SLC39A10: variants seen among roughly 807,000 people sequenced by gnomAD.
SLC39A10 encodes the protein zinc transporter ZIP10.
In SLC39A10, 13 loss-of-function variants were observed where a neutral mutation model predicts 65.1. That is an observed-to-expected ratio of 0.20 (90% CI 0.13 to 0.32). The LOEUF is 0.32. Ranked by LOEUF, SLC39A10 falls within the 10% of genes least tolerant of loss-of-function variation. The pLI is 1.00. For synonymous variants in SLC39A10, 321 were observed against 342.2 expected (o/e 0.94, Z 0.68); for missense variants, 831 against 1,018.4 (o/e 0.82, Z 2.50).
At chr2:195,674,265 G>A (rs1689991809) in intron 1 of SLC39A10, among the ~76,000 whole-genome samples, 1 of 151,896 alleles carries the variant, frequency 6.6e-6, no homozygotes, top group Non-Finnish European at 1.5e-5. Flanking sequence ...TTACACAGCT[G>A]ACCACTTTTC....
upstream of SLC39A10, among the ~76,000 whole-genome samples, chr2:195,652,674 C>T (rs1278423339): frequency 2.2e-4 from 5 of 23,130 alleles, no homozygotes; most frequent in Non-Finnish European, 6.1e-4. Flanking sequence ...TGTTTCTTAC[C>T]AGACTTTAAA....
At chr2:195,729,724 G>GA (rs1417867226) in intron 9 of SLC39A10, among the ~76,000 whole-genome samples, 1 of 152,008 alleles carries the variant, frequency 6.6e-6, no homozygotes, top group Non-Finnish European at 1.5e-5. Context: ...AGAGGTGGGG[G>GA]ACCTCTCTTA....
At chr2:195,714,895 G>T (rs1166808365) in intron 6 of SLC39A10, among the ~76,000 whole-genome samples, 1 of 152,008 alleles carries the variant, frequency 6.6e-6, no homozygotes, top group African/African-American at 2.4e-5. Context: ...TGGGACTACA[G>T]GCGCCCGCCA....
At chr2:195,661,624 T>C (rs901149878) in intron 1 of SLC39A10, among the ~76,000 whole-genome samples, 3 of 152,220 alleles carry the variant, frequency 2.0e-5, no homozygotes, top group African/African-American at 7.2e-5. Flanking sequence ...CAATTCATTG[T>C]ATCACATCAG....
chr2:195,663,563 A>C (rs901530961), intron 1 of SLC39A10, among the ~76,000 whole-genome samples: 1 of 152,120 alleles, frequency 6.6e-6, no homozygotes, highest in Non-Finnish European at 1.5e-5. Flanking sequence ...TATATACATT[A>C]TAAGGCAGTG....
chr2:195,637,894 A>G (rs1221820891), intron 2 of SLC39A10, among the ~76,000 whole-genome samples: 2 of 152,234 alleles, frequency 1.3e-5, no homozygotes, highest in African/African-American at 4.8e-5. Flanking sequence ...GTGAGATAAT[A>G]TGAAGTGATA....
At chr2:195,700,906 CT>C (rs1490823018) in intron 3 of SLC39A10, among the ~76,000 whole-genome samples, 1 of 151,934 alleles carries the variant, frequency 6.6e-6, no homozygotes, top group Non-Finnish European at 1.5e-5. Flanking sequence ...TTGAGTTCCT[CT>C]TATTGGAGTT....
intron 2 of SLC39A10, among the ~76,000 whole-genome samples, chr2:195,626,856 C>G (rs1011981456): frequency 4.6e-5 from 7 of 152,050 alleles, no homozygotes; most frequent in African/African-American, 1.7e-4. Flanking sequence ...ATATAGAGTT[C>G]CTCATCTGTA....
intron 2 of SLC39A10, among the ~76,000 whole-genome samples, chr2:195,631,822 A>G (rs977132343): frequency 2.0e-5 from 3 of 152,206 alleles, no homozygotes; most frequent in Admixed American, 6.5e-5. Flanking sequence ...TCTTACCATG[A>G]CTGTAACTCT....
At chr2:195,661,802 T>A (rs72913204) in intron 1 of SLC39A10, among the ~76,000 whole-genome samples, 6,893 of 152,276 alleles carry the variant, frequency 0.045, 235 homozygotes, top group Non-Finnish European at 0.068. Context: ...TGTACAAGTA[T>A]AAGGACAAAA....
intron 2 of SLC39A10, among the ~76,000 whole-genome samples, chr2:195,620,164 T>TC (rs35556605): frequency 6.6e-6 from 1 of 151,988 alleles, no homozygotes; most frequent in South Asian, 2.1e-4. Context: ...CCTCAAGTGA[T>TC]CCCCCCGCCT....
chr2:195,712,361 G>T (rs1036615451), intron 5 of SLC39A10, among the ~76,000 whole-genome samples: 10 of 152,236 alleles, frequency 6.6e-5, no homozygotes, highest in African/African-American at 2.4e-4. Context: ...TAGATTCCAT[G>T]TCCTCATGGG....
intron 1 of SLC39A10, among the ~76,000 whole-genome samples, chr2:195,664,788 A>G (rs1017642818): frequency 6.6e-6 from 1 of 152,182 alleles, no homozygotes; most frequent in East Asian, 1.9e-4. Context: ...GAAAAGTGTT[A>G]AAGTTTTTAT....
At position 195,737,656 on chromosome 2, in the gene SLC39A10, T is replaced by C; in HGVS notation, c.*2615T>C. The C allele has an allele frequency of 3.2e-6, 1 of 315,628 alleles. No homozygotes were observed. Among genetic ancestry groups the C allele is most frequent in the Non-Finnish European group, 6.0e-6 (1 of 167,410 alleles). The allele number at this position is 315,628 out of a possible 1,614,324, so 19.6% of individuals were successfully genotyped here. ...TGTGTCATTTTATGTATGTTCCTAA[T>C]GCTTATGGAACTCCTCCAAAATAAA... is the stretch of plus-strand genomic sequence containing the variant. On this transcript the variant is annotated 3_prime_UTR_variant, in exon 10 of 10. Coordinates refer to ENST00000359634, the MANE Select transcript of SLC39A10 (RefSeq NM_020342.3).
chr2:195,667,438 C>T (rs1199658193), intron 1 of SLC39A10, among the ~76,000 whole-genome samples: 3 of 152,164 alleles, frequency 2.0e-5, no homozygotes, highest in African/African-American at 7.2e-5. Context: ...AACTTCTGCT[C>T]AGATACTAGT....
At chr2:195,643,385 G>A (rs1160428978) in intron 2 of SLC39A10, among the ~76,000 whole-genome samples, 1 of 152,164 alleles carries the variant, frequency 6.6e-6, no homozygotes, top group African/African-American at 2.4e-5. Context: ...TAAGGGATGT[G>A]TGCCCTTCTT....
intron 5 of SLC39A10, among the ~76,000 whole-genome samples, chr2:195,709,365 A>G (rs1412991560): frequency 2.0e-5 from 3 of 152,138 alleles, no homozygotes; most frequent in African/African-American, 7.2e-5. Context: ...CTAAGTGGGT[A>G]GGACCATAGC....
chr2:195,639,802 C>T (rs1435224540), intron 2 of SLC39A10, among the ~76,000 whole-genome samples: 1 of 152,170 alleles, frequency 6.6e-6, no homozygotes, highest in Non-Finnish European at 1.5e-5. Flanking sequence ...TCTTGAACTC[C>T]TGACCACCTG....
intron 1 of SLC39A10, among the ~76,000 whole-genome samples, chr2:195,659,318 T>C (rs1292022443): frequency 2.0e-5 from 3 of 152,222 alleles, no homozygotes; most frequent in African/African-American, 7.2e-5. Flanking sequence ...TTCTTACTGT[T>C]ACCAATTTAA....
Sources: gnomAD v4.1 joint callset for allele counts (sites outside exome capture counted in the v4.1 genomes callset) on GRCh38, gnomAD v4.1.1 for gene constraint, MANE v1.5 for transcripts, NCBI Gene and HGNC (gene_info 2026-07-23, HGNC 2026-07-21) for gene names.